NKAIN2: variants seen among roughly 807,000 people sequenced by gnomAD.
The protein encoded by NKAIN2 is sodium/potassium-transporting ATPase subunit beta-1-interacting protein 2.
In NKAIN2, 14 loss-of-function variants were observed where a neutral mutation model predicts 32.6. The ratio of observed to expected loss-of-function variants is 0.43; its 90% CI spans 0.28 to 0.67. NKAIN2 has a LOEUF of 0.67. NKAIN2 is among the 30% of genes least tolerant of loss of function. The probability of loss-of-function intolerance (pLI) is 0.17; values close to 1 mark genes in which losing one functional copy is unlikely to be tolerated. For synonymous variants in NKAIN2, 80 were observed against 87.2 expected (o/e 0.92, Z 0.46); for missense variants, 198 against 258.3 (o/e 0.77, Z 1.60).
chr6:124,754,144 A>G (rs1270745623), intron 4 of NKAIN2, among the ~76,000 whole-genome samples: 13 of 152,102 alleles, frequency 8.5e-5, no homozygotes, highest in Admixed American at 8.5e-4. Flanking sequence ...GCAATTGTGT[A>G]CTATGACGAT....
chr6:124,149,368 C>T (rs1269519572), intron 1 of NKAIN2, among the ~76,000 whole-genome samples: 2 of 152,154 alleles, frequency 1.3e-5, no homozygotes, highest in Non-Finnish European at 2.9e-5. Flanking sequence ...AAACCAAGAT[C>T]ACAAAGATTT....
intron 1 of NKAIN2, among the ~76,000 whole-genome samples, chr6:124,049,190 T>G (rs1782284396): frequency 6.6e-6 from 1 of 152,084 alleles, no homozygotes; most frequent in African/African-American, 2.4e-5. Flanking sequence ...ACACGTAGGT[T>G]TTTTTGAGTC....
chr6:123,827,893 C>CTATA (rs1336644785), intron 1 of NKAIN2, among the ~76,000 whole-genome samples: 1 of 150,944 alleles, frequency 6.6e-6, no homozygotes, highest in African/African-American at 2.4e-5. Flanking sequence ...CTCTCTCTCT[C>CTATA]TCTATATATA....
At chr6:124,006,695 C>G (rs935144691) in intron 1 of NKAIN2, among the ~76,000 whole-genome samples, 3 of 152,140 alleles carry the variant, frequency 2.0e-5, no homozygotes, top group African/African-American at 4.8e-5. Context: ...GGGGTTGCCT[C>G]TGATTGGACC....
intron 4 of NKAIN2, among the ~76,000 whole-genome samples, chr6:124,695,932 A>G (rs1184995136): frequency 6.6e-6 from 1 of 152,202 alleles, no homozygotes; most frequent in Non-Finnish European, 1.5e-5. Context: ...CAAAATGAAG[A>G]CCCAAAGATG....
intron 2 of NKAIN2, among the ~76,000 whole-genome samples, chr6:124,353,361 C>T (rs373846414): frequency 2.0e-4 from 31 of 152,054 alleles, no homozygotes; most frequent in South Asian, 1.0e-3. Flanking sequence ...AATTCTGGTT[C>T]GGAATCATGA....
chr6:124,112,129 G>GTATA, intron 1 of NKAIN2, among the ~76,000 whole-genome samples: 1 of 152,072 alleles, frequency 6.6e-6, no homozygotes, highest in African/African-American at 2.4e-5. Flanking sequence ...TTATATTTGT[G>GTATA]TATATATTTA....
chr6:124,281,372 T>C (rs958008339), intron 1 of NKAIN2, among the ~76,000 whole-genome samples: 1 of 152,238 alleles, frequency 6.6e-6, no homozygotes, highest in African/African-American at 2.4e-5. Context: ...TACTGCCTAA[T>C]GTCACAAATG....
intron 3 of NKAIN2, among the ~76,000 whole-genome samples, chr6:124,494,113 C>A: frequency 6.6e-6 from 1 of 152,188 alleles, no homozygotes; most frequent in Non-Finnish European, 1.5e-5. Context: ...TATATCTGTT[C>A]CGCTACCTCT....
chr6:123,848,956 C>G (rs1775203536), intron 1 of NKAIN2, among the ~76,000 whole-genome samples: 1 of 152,172 alleles, frequency 6.6e-6, no homozygotes, highest in South Asian at 2.1e-4. Flanking sequence ...TTAAGCTAAA[C>G]TTTAAAAATC....
Position 124,283,156 on chromosome 6 carries a change from C to A in NKAIN2, c.192+14C>A. On this transcript the variant is annotated intron_variant, in intron 2 of 6. Transcript: ENST00000368417. Reference sequence around the variant, plus strand: ...TACATAACAGGAGTAAGTACATTTTCTGCCTTTTAAAAATCTTATTGAACT... The same window carrying A: ...TACATAACAGGAGTAAGTACATTTTATGCCTTTTAAAAATCTTATTGAACT... 12 of 1,588,498 alleles carry A rather than the reference C, an allele frequency of 7.6e-6. No individual in the cohort carries two copies. The highest frequency in any genetic ancestry group is 1.0e-5 in the Non-Finnish European group (12 of 1,157,704).
chr6:124,291,281 T>C (rs891955333), intron 2 of NKAIN2, among the ~76,000 whole-genome samples: 2 of 132,628 alleles, frequency 1.5e-5, no homozygotes, highest in African/African-American at 7.4e-5. Context: ...GCTTGAGATA[T>C]TCATTTTATT....
chr6:124,405,104 G>T (rs533755914), intron 3 of NKAIN2, among the ~76,000 whole-genome samples: 29 of 152,236 alleles, frequency 1.9e-4, no homozygotes, highest in African/African-American at 5.8e-4. Context: ...TACCTGTTCA[G>T]TAAAAATGGT....
At chr6:124,072,799 C>A (rs1417000486) in intron 1 of NKAIN2, among the ~76,000 whole-genome samples, 1 of 152,078 alleles carries the variant, frequency 6.6e-6, no homozygotes. Context: ...GACCTGTGTA[C>A]CCCTGTTGTT....
intron 2 of NKAIN2, among the ~76,000 whole-genome samples, chr6:124,333,814 T>C (rs911133015): frequency 2.0e-5 from 3 of 152,184 alleles, no homozygotes; most frequent in Non-Finnish European, 4.4e-5. Flanking sequence ...GGTAAGCCTA[T>C]ACCTTTATCC....
chr6:124,094,281 A>AAAAAATG (rs1366224100), intron 1 of NKAIN2, among the ~76,000 whole-genome samples: 165 of 152,272 alleles, frequency 1.1e-3, no homozygotes, highest in Non-Finnish European at 1.9e-4. Context: ...CCTCATATAG[A>AAAAAATG]AAAAATGATT....
chr6:124,358,744 T>C (rs1485499533), intron 3 of NKAIN2, among the ~76,000 whole-genome samples: 1 of 151,850 alleles, frequency 6.6e-6, no homozygotes, highest in African/African-American at 2.4e-5. Flanking sequence ...CTGATGGTAG[T>C]TTCTTTTGCT....
intron 1 of NKAIN2, among the ~76,000 whole-genome samples, chr6:124,259,848 C>T (rs750199503): frequency 5.9e-5 from 9 of 152,084 alleles, no homozygotes; most frequent in Non-Finnish European, 1.2e-4. Context: ...CATCATTCTT[C>T]AAGCTTATAT....
chr6:123,877,912 A>C (rs1483318125), intron 1 of NKAIN2, among the ~76,000 whole-genome samples: 2 of 152,094 alleles, frequency 1.3e-5, no homozygotes, highest in Non-Finnish European at 2.9e-5. Context: ...CAATTTCGTT[A>C]GTTAATTTTA....
Sources: gnomAD v4.1 joint callset for allele counts (sites outside exome capture counted in the v4.1 genomes callset) on GRCh38, gnomAD v4.1.1 for gene constraint, MANE v1.5 for transcripts, NCBI Gene and HGNC (gene_info 2026-07-23, HGNC 2026-07-21) for gene names.